The following ME1 variants were observed in gnomAD, a reference collection of about 807,000 sequenced individuals.
The protein encoded by ME1 is NADP-dependent malic enzyme.
Under a neutral mutation model 66.4 loss-of-function variants are expected in ME1, and 74 were observed. That is an observed-to-expected ratio of 1.11 (90% CI 0.92 to 1.35). The LOEUF (loss-of-function observed/expected upper bound fraction) is 1.35. ME1 is among the 40% of genes most tolerant of loss of function. The pLI is 0.00. For missense variants in ME1, 750 were observed against 694.1 expected (o/e 1.08, Z -0.90); for synonymous variants, 251 against 235.6 (o/e 1.07, Z -0.60).
At chr6:83,247,948 G>A (rs1254744969) in intron 7 of ME1, among the ~76,000 whole-genome samples, 1 of 152,120 alleles carries the variant, frequency 6.6e-6, no homozygotes, top group African/African-American at 2.4e-5. Flanking sequence ...CGAATTAGTC[G>A]TGAAAAACTA....
chr6:83,298,940 T>TTTG (rs1767657730), intron 6 of ME1, among the ~76,000 whole-genome samples: 2 of 61,364 alleles, frequency 3.3e-5, no homozygotes, highest in African/African-American at 1.1e-4. Flanking sequence ...TGTTTTTTTT[T>TTTG]TTTTTTTTTT....
chr6:83,386,505 C>G (rs567162680), intron 3 of ME1, among the ~76,000 whole-genome samples: 1 of 152,010 alleles, frequency 6.6e-6, no homozygotes, highest in African/African-American at 2.4e-5. Flanking sequence ...GCCTCTCACC[C>G]CTTCCCAGAA....
At chr6:83,340,681 A>ACT (rs1768562344) in intron 5 of ME1, among the ~76,000 whole-genome samples, 1 of 146,898 alleles carries the variant, frequency 6.8e-6, no homozygotes, top group African/African-American at 2.5e-5. Flanking sequence ...GTTATGTGCT[A>ACT]TTTTTTTTTT....
chr6:83,253,816 G>T, intron 6 of ME1, 78 bp from the exon 7 acceptor site: 1 of 701,202 alleles, frequency 1.4e-6, no homozygotes, highest in Non-Finnish European at 2.5e-6. Context: ...TTAGCCCATA[G>T]AAATAGGAAA....
chr6:83,277,497 G>A (rs1767205139), intron 6 of ME1, among the ~76,000 whole-genome samples: 1 of 152,164 alleles, frequency 6.6e-6, no homozygotes, highest in African/African-American at 2.4e-5. Flanking sequence ...TCAGGATTAT[G>A]GCAGAATAGT....
Position 83,281,820 on chromosome 6 carries a change from A to G in ME1, c.705-28082T>C, listed in dbSNP as rs1234630821. Reference sequence around the variant, plus strand: ...GACTCTGTCTCCAAAAAAAAAAAAAAAAAAAAAAAAAAAAAGAAAAGAAAA... The same window carrying G: ...GACTCTGTCTCCAAAAAAAAAAAAAGAAAAAAAAAAAAAAAGAAAAGAAAA... On this transcript the variant is annotated intron_variant, in intron 6 of 13. Coordinates refer to ENST00000369705, the MANE Select transcript of ME1 (RefSeq NM_002395.6). 5.6e-5 allele frequency among the ~76,000 whole-genome samples: 8 copies of G among 141,998 alleles called. No individual in the cohort carries two copies. In the East Asian group the frequency reaches 6.4e-4, roughly 11 times the overall value. 93.2% of individuals were successfully genotyped at this position (141,998 alleles called of 152,430 possible).
intron 7 of ME1, among the ~76,000 whole-genome samples, chr6:83,248,540 C>T (rs547499014): frequency 1.3e-5 from 2 of 152,130 alleles, no homozygotes; most frequent in Non-Finnish European, 2.9e-5. Context: ...GTTGTAATCT[C>T]CACATGTTGA....
At chr6:83,405,438 C>G (rs1336380788) in intron 2 of ME1, among the ~76,000 whole-genome samples, 2 of 152,110 alleles carry the variant, frequency 1.3e-5, no homozygotes, top group African/African-American at 4.8e-5. Context: ...AATATAAAAT[C>G]ATGTCATCTG....
At chr6:83,264,739 T>A (rs953677373) in intron 6 of ME1, among the ~76,000 whole-genome samples, 2 of 152,194 alleles carry the variant, frequency 1.3e-5, no homozygotes, top group Non-Finnish European at 2.9e-5. Flanking sequence ...ATTGCTGCAA[T>A]CTCATTATAA....
chr6:83,237,650 G>T, intron 9 of ME1, 67 bp downstream of exon 9: 1 of 774,108 alleles, frequency 1.3e-6, no homozygotes, highest in South Asian at 1.9e-5. Flanking sequence ...AAACAGAGTT[G>T]TCTTTGAGAT....
Position 83,237,705 on chromosome 6 carries a change from A to G in ME1, c.1026+12T>C. The G allele has an allele frequency of 1.3e-6, 2 of 1,493,502 alleles. No homozygotes were observed. Among genetic ancestry groups the G allele is most frequent in the South Asian group, 2.4e-5 (2 of 83,370 alleles). 92.5% of individuals were successfully genotyped at this position (1,493,502 alleles called of 1,614,324 possible). ...GTTATCTTTATTCTGGTTAAAAATG[A>G]CAAATTCTTACCTTAACTATTAATC... is the stretch of plus-strand genomic sequence containing the variant. On this transcript the variant is annotated intron_variant, in intron 9 of 13. Coordinates refer to ENST00000369705, the MANE Select transcript of ME1 (RefSeq NM_002395.6).
intron 6 of ME1, among the ~76,000 whole-genome samples, chr6:83,255,210 T>C (rs947346934): frequency 1.7e-4 from 26 of 152,186 alleles, no homozygotes; most frequent in Admixed American, 1.2e-3. Flanking sequence ...TCTTTTTCTA[T>C]GTCTATTTGT....
At chr6:83,423,943 T>C (rs1313692810) in intron 1 of ME1, among the ~76,000 whole-genome samples, 2 of 152,002 alleles carry the variant, frequency 1.3e-5, no homozygotes, top group Admixed American at 6.6e-5. Context: ...ATGCCATCTC[T>C]ACAAAAAAAT....
intron 3 of ME1, among the ~76,000 whole-genome samples, chr6:83,380,231 G>C (rs564930628): frequency 6.6e-6 from 1 of 152,152 alleles, no homozygotes; most frequent in South Asian, 2.1e-4. Flanking sequence ...GATTTCGAGG[G>C]CATTCAACTT....
At chr6:83,348,360 C>T (rs11967452) in intron 4 of ME1, among the ~76,000 whole-genome samples, 3,988 of 152,278 alleles carry the variant, frequency 0.026, 164 homozygotes, top group African/African-American at 0.092. Context: ...GGTATTTTTA[C>T]ATATCGTTGA....
At chr6:83,263,801 AACATAACATAACATAACATAACAT>A (rs1264103466) in intron 6 of ME1, among the ~76,000 whole-genome samples, 4 of 147,728 alleles carry the variant, frequency 2.7e-5, no homozygotes, top group African/African-American at 7.5e-5. Context: ...AACATAACAT[AACATAACATAACATAACATAACAT>A]AACATAACAT....
chr6:83,429,643 T>C (rs1223747764), intron 1 of ME1, among the ~76,000 whole-genome samples: 1 of 152,256 alleles, frequency 6.6e-6, no homozygotes, highest in Non-Finnish European at 1.5e-5. Context: ...TAATGCTACA[T>C]GACGGCAGAT....
intron 9 of ME1, among the ~76,000 whole-genome samples, chr6:83,229,944 T>A (rs1481473760): frequency 6.6e-6 from 1 of 152,082 alleles, no homozygotes; most frequent in Non-Finnish European, 1.5e-5. Flanking sequence ...CACCTAAGCC[T>A]CTCTAGTAGC....
intron 7 of ME1, among the ~76,000 whole-genome samples, chr6:83,248,422 T>C (rs1365026549): frequency 6.6e-6 from 1 of 152,136 alleles, no homozygotes; most frequent in Admixed American, 6.5e-5. Flanking sequence ...ACAAAGCATG[T>C]GTTTGTAGCG....
Sources: gnomAD v4.1 joint callset for allele counts (sites outside exome capture counted in the v4.1 genomes callset) on GRCh38, gnomAD v4.1.1 for gene constraint, MANE v1.5 for transcripts, NCBI Gene and HGNC (gene_info 2026-07-23, HGNC 2026-07-21) for gene names.